KCNQ3: variants seen among roughly 807,000 people sequenced by gnomAD.
KCNQ3 encodes the protein potassium voltage-gated channel subfamily KQT member 3.
A neutral mutation model predicts 92.5 loss-of-function variants in KCNQ3; 30 were observed. That is an observed-to-expected ratio of 0.32 (90% CI 0.24 to 0.44). KCNQ3 has a LOEUF of 0.44. Among genes scored for constraint, KCNQ3 ranks in the 20% least tolerant of loss-of-function variants. The pLI, the probability that KCNQ3 is intolerant of heterozygous loss-of-function variation, is 1.00. For missense variants in KCNQ3, 913 were observed against 1,140.3 expected, an observed-to-expected ratio of 0.80 and a Z score of 2.87; for synonymous variants, 450 against 468.8, an observed-to-expected ratio of 0.96 and a Z score of 0.52.
chr8:132,378,997 T>C (rs1204630785), intron 1 of KCNQ3, among the ~76,000 whole-genome samples: 1 of 152,204 alleles, frequency 6.6e-6, no homozygotes, highest in Non-Finnish European at 1.5e-5. Flanking sequence ...AACCATAAAG[T>C]TATTGAACGT....
intron 1 of KCNQ3, among the ~76,000 whole-genome samples, chr8:132,268,745 T>C (rs2168780): frequency 0.59 from 89,680 of 152,090 alleles, 27,446 homozygotes; most frequent in East Asian, 0.82. Flanking sequence ...GGGTAAATAC[T>C]GAGGAGCACA....
chr8:132,415,219 C>A (rs371365317), intron 1 of KCNQ3, among the ~76,000 whole-genome samples: 1 of 152,224 alleles, frequency 6.6e-6, no homozygotes, highest in Non-Finnish European at 1.5e-5. Context: ...CTGCAGCCTG[C>A]GTTTCCTCCC....
intron 13 of KCNQ3, among the ~76,000 whole-genome samples, chr8:132,133,884 T>G (rs1454414206): frequency 3.9e-5 from 6 of 152,182 alleles, no homozygotes; most frequent in African/African-American, 1.4e-4. Flanking sequence ...GATATCTGAG[T>G]GTCTTCTCTG....
intron 3 of KCNQ3, among the ~76,000 whole-genome samples, chr8:132,181,839 G>A (rs945665135): frequency 6.6e-6 from 1 of 152,060 alleles, no homozygotes; most frequent in Non-Finnish European, 1.5e-5. Context: ...AGATCACGAG[G>A]TCAGGAGATC....
chr8:132,243,622 G>A lies in KCNQ3; in HGVS notation c.387-57441C>T, dbSNP rs115649285. Among the ~76,000 whole-genome samples, 1,341 of 152,292 alleles carry A rather than the reference G, an allele frequency of 8.8e-3. 25 individuals carry two copies. The highest frequency in any genetic ancestry group is 0.029 in the African/African-American group (1,221 of 41,560). On this transcript the variant is annotated intron_variant, in intron 1 of 14. Coordinates refer to ENST00000388996, the MANE Select transcript of KCNQ3 (RefSeq NM_004519.4). ...AAGAGTGCCTCATGGAAACAGCAAT[G>A]GCTTTGGTGTCAGAGACTTGTCCTC... is the stretch of plus-strand genomic sequence containing the variant.
In KCNQ3 at chr8:132,328,012, C is replaced by T. The variant is rs1480201867; in HGVS notation, c.387-141831G>A. 2.6e-5 allele frequency among the ~76,000 whole-genome samples: 4 copies of T among 152,146 alleles called. No homozygotes were observed. The East Asian group carries it at 7.7e-4, about 29-fold the overall frequency. On this transcript the variant is annotated intron_variant, in intron 1 of 14. Transcript: ENST00000388996. ...CACAACCACTATGTCCCCTCTACCCCAGAGCCAGCATGGGGGCATGGGTGA... is the reference window on the plus strand; with the variant it reads ...CACAACCACTATGTCCCCTCTACCCTAGAGCCAGCATGGGGGCATGGGTGA...
chr8:132,322,549 T>C (rs932648216), intron 1 of KCNQ3, among the ~76,000 whole-genome samples: 8 of 152,268 alleles, frequency 5.3e-5, no homozygotes, highest in African/African-American at 1.7e-4. Context: ...ATATGTGGAA[T>C]AGAGGGAGGT....
chr8:132,349,194 G>T (rs929742794), intron 1 of KCNQ3, among the ~76,000 whole-genome samples: 1 of 152,170 alleles, frequency 6.6e-6, no homozygotes, highest in Non-Finnish European at 1.5e-5. Flanking sequence ...AGGTGAAGTG[G>T]CCTACCCAAG....
At chr8:132,264,645 A>T (rs1249874751) in intron 1 of KCNQ3, among the ~76,000 whole-genome samples, 5 of 152,224 alleles carry the variant, frequency 3.3e-5, no homozygotes, top group African/African-American at 1.2e-4. Flanking sequence ...GATGCCATGC[A>T]GGTCTGGGCG....
chr8:132,425,122 C>G (rs755135084), intron 1 of KCNQ3, among the ~76,000 whole-genome samples: 2 of 152,136 alleles, frequency 1.3e-5, no homozygotes, highest in Non-Finnish European at 2.9e-5. Context: ...GTTACATCAG[C>G]CCACACAGTG....
At chr8:132,277,541 G>A (rs1160408138) in intron 1 of KCNQ3, among the ~76,000 whole-genome samples, 3 of 152,162 alleles carry the variant, frequency 2.0e-5, no homozygotes, top group Admixed American at 6.5e-5. Flanking sequence ...AGGAGGCATG[G>A]GGAAGACCGG....
chr8:132,457,147 A>G (rs1821960660), intron 1 of KCNQ3, among the ~76,000 whole-genome samples: 1 of 152,042 alleles, frequency 6.6e-6, no homozygotes, highest in Non-Finnish European at 1.5e-5. Flanking sequence ...CTTTGGAAAG[A>G]GTAGATCTGA....
chr8:132,275,485 T>C (rs1370076894), intron 1 of KCNQ3, among the ~76,000 whole-genome samples: 2 of 152,040 alleles, frequency 1.3e-5, no homozygotes, highest in Non-Finnish European at 2.9e-5. Flanking sequence ...CCCCAGCCTT[T>C]GGAGGCTGGA....
intron 1 of KCNQ3, among the ~76,000 whole-genome samples, chr8:132,381,982 C>T (rs1009322394): frequency 6.6e-6 from 1 of 152,212 alleles, no homozygotes; most frequent in African/African-American, 2.4e-5. Context: ...TGGAGGCCTG[C>T]CTCGTCATGG....
chr8:132,435,583 G>A (rs901879501), intron 1 of KCNQ3, among the ~76,000 whole-genome samples: 1 of 152,190 alleles, frequency 6.6e-6, no homozygotes, highest in African/African-American at 2.4e-5. Context: ...GGAGCTGAGA[G>A]TAATTAGCCC....
chr8:132,221,679 T>A (rs1278477156), intron 1 of KCNQ3, among the ~76,000 whole-genome samples: 2 of 152,206 alleles, frequency 1.3e-5, no homozygotes, highest in Non-Finnish European at 2.9e-5. Context: ...TTTTTTCTTG[T>A]AAAATTGTTT....
chr8:132,451,591 G>C (rs1821822702), intron 1 of KCNQ3, among the ~76,000 whole-genome samples: 1 of 152,208 alleles, frequency 6.6e-6, no homozygotes, highest in Admixed American at 6.5e-5. Context: ...GATGTACAAA[G>C]TGCAGGGAAG....
chr8:132,393,779 C>T (rs541968828), intron 1 of KCNQ3, among the ~76,000 whole-genome samples: 1 of 152,300 alleles, frequency 6.6e-6, no homozygotes, highest in East Asian at 1.9e-4. Flanking sequence ...CTTTCCTGGG[C>T]TATCACCATG....
chr8:132,345,333 C>T (rs767855354), intron 1 of KCNQ3, among the ~76,000 whole-genome samples: 1 of 152,112 alleles, frequency 6.6e-6, no homozygotes, highest in Non-Finnish European at 1.5e-5. Flanking sequence ...ACATTTGGAA[C>T]CTTGAAAAGA....
Sources: gnomAD v4.1 joint callset for allele counts (sites outside exome capture counted in the v4.1 genomes callset) on GRCh38, gnomAD v4.1.1 for gene constraint, MANE v1.5 for transcripts, NCBI Gene and HGNC (gene_info 2026-07-23, HGNC 2026-07-21) for gene names.